ACIN1: variants seen among roughly 807,000 people sequenced by gnomAD.
ACIN1 encodes the protein apoptotic chromatin condensation inducer in the nucleus.
In ACIN1, 16 loss-of-function variants were observed where a neutral mutation model predicts 146.6. The ratio of observed to expected loss-of-function variants is 0.11; its 90% CI spans 0.07 to 0.17. The LOEUF is 0.17. Ranked by LOEUF, ACIN1 falls within the 10% of genes least tolerant of loss-of-function variation. ACIN1 has a pLI of 1.00. For missense variants in ACIN1, 1,357 were observed against 1,609.3 expected (o/e 0.84, Z 2.68); for synonymous variants, 569 against 582.7 (o/e 0.98, Z 0.34).
intron 8 of ACIN1, among the ~76,000 whole-genome samples, 200 bp from the exon 9 acceptor site, chr14:23,069,817 C>T (rs996631439): frequency 2.0e-5 from 3 of 152,104 alleles, no homozygotes; most frequent in African/African-American, 4.8e-5. Context: ...GGGGAAAGAG[C>T]GTGGATCACA....
intron 8 of ACIN1, among the ~76,000 whole-genome samples, chr14:23,075,319 TCCC>T (rs1201974953): frequency 7.3e-6 from 1 of 136,182 alleles, no homozygotes; most frequent in Non-Finnish European, 1.5e-5. Flanking sequence ...TTTTCTTTCT[TCCC>T]CTTTTTTTTT....
chr14:23,095,084 T>G lies in ACIN1; in HGVS notation c.29A>C (p.Asp10Ala). The change falls in exon 1 of 19, where the codon GAC becomes GCC. Residue 10 changes from aspartate to alanine, a missense_variant. Physicochemically the swap from Asp to Ala is moderately radical, Grantham distance 126 (BLOSUM62 -2). This residue lies in a region of ACIN1 where 22 missense variants were observed against 19.1 expected (regional missense o/e 1.15). Coordinates refer to ENST00000605057, the MANE Select transcript of ACIN1 (RefSeq NM_001386863.1). ...CCGCAGCGCCTGAAGAGGCTTCCCG[T>G]CCAGAGTCACCTCCTCCAGCTCCGC... MAELEEVTL[D>A]GKPLQALRVT... 1 of 1,614,196 alleles carries G rather than the reference T, an allele frequency of 6.2e-7. No individual in the cohort carries two copies. The highest frequency in any genetic ancestry group is 8.5e-7 in the Non-Finnish European group (1 of 1,180,026).
intron 9 of ACIN1, chr14:23,069,213 G>C: frequency 8.5e-7 from 1 of 1,176,806 alleles, no homozygotes; most frequent in Non-Finnish European, 1.0e-6. Flanking sequence ...GCCATTATCA[G>C]ACTTTCCCGT....
chr14:23,072,237 T>C (rs961664053), intron 8 of ACIN1, among the ~76,000 whole-genome samples: 1 of 151,948 alleles, frequency 6.6e-6, no homozygotes, highest in Non-Finnish European at 1.5e-5. Context: ...GGGGGCAGGG[T>C]TGGTGTCTCT....
intron 8 of ACIN1, among the ~76,000 whole-genome samples, chr14:23,072,197 G>A (rs1466049981): frequency 6.6e-6 from 1 of 152,178 alleles, no homozygotes; most frequent in Non-Finnish European, 1.5e-5. Context: ...GGATAGCAGG[G>A]AGAGTTCTTT....
intron 8 of ACIN1, chr14:23,071,459 C>T: frequency 1.9e-6 from 3 of 1,551,706 alleles, no homozygotes; most frequent in Non-Finnish European, 2.6e-6. Flanking sequence ...ATTGGTCTCT[C>T]TGGAGAAGGA....
chr14:23,080,192 C>T lies in ACIN1; in HGVS notation c.1143G>A (p.Glu381=). 6.2e-7 allele frequency: 1 copy of T among 1,614,112 alleles called. No individual in the cohort carries two copies. Among genetic ancestry groups the T allele is most frequent in the Non-Finnish European group, 8.5e-7 (1 of 1,180,020 alleles). Residue 381 remains glutamate (E), a synonymous_variant, in exon 6 of 19, where the codon GAG becomes GAA. Coordinates refer to ENST00000605057, the MANE Select transcript of ACIN1 (RefSeq NM_001386863.1). ...HPQLHSEEEI[E]PMEGPAPAVL... The stretch of plus-strand genomic sequence containing the variant: ...CAGCGGGGGCTGGGCCTTCCATGGG[C>T]TCTATTTCTTCTTCGCTATGGAGCT...
intron 4 of ACIN1, among the ~76,000 whole-genome samples, chr14:23,086,815 A>G (rs954065961): frequency 1.3e-5 from 2 of 152,220 alleles, no homozygotes; most frequent in African/African-American, 4.8e-5. Context: ...TGCCAATAGC[A>G]TATAAACAGG....
chr14:23,080,869 A>G, intron 5 of ACIN1, 60 bp from the exon 6 acceptor site: 2 of 1,527,108 alleles, frequency 1.3e-6, no homozygotes, highest in South Asian at 1.3e-5. Flanking sequence ...CAGAGGAGAG[A>G]AAGTATCTAA....
At chr14:23,075,492 T>C (rs1381305354) in intron 8 of ACIN1, among the ~76,000 whole-genome samples, 1 of 152,108 alleles carries the variant, frequency 6.6e-6, no homozygotes, top group African/African-American at 2.4e-5. Flanking sequence ...AAAAGACACC[T>C]TACCTCATAA....
chr14:23,080,835 C>G (rs139044603), intron 5 of ACIN1, 26 bp from the exon 6 acceptor site: 1 of 1,563,406 alleles, frequency 6.4e-7, no homozygotes, highest in East Asian at 2.2e-5. Flanking sequence ...CACAATGGCT[C>G]CAAATGTATT....
At position 23,063,079 on chromosome 14, in the gene ACIN1, C is replaced by CAAG; in HGVS notation, c.2738-8_2738-6dup. On this transcript the variant is annotated splice_polypyrimidine_tract_variant and splice_region_variant and intron_variant, in intron 13 of 18. Transcript: ENST00000605057. ...TTAAGGTATCTCCTAAAGTCACTATCAAGAAGACCACAAGAACAGCTTTTG... is the reference window on the plus strand; with the variant it reads ...TTAAGGTATCTCCTAAAGTCACTATCAAGAAGAAGACCACAAGAACAGCTTTTG... The CAAG allele has an allele frequency of 2.5e-6, 4 of 1,600,944 alleles. No homozygotes were observed. Among genetic ancestry groups the CAAG allele is most frequent in the Non-Finnish European group, 3.4e-6 (4 of 1,175,266 alleles).
intron 8 of ACIN1, among the ~76,000 whole-genome samples, chr14:23,076,174 G>T (rs1213904352): frequency 6.6e-6 from 1 of 152,162 alleles, no homozygotes; most frequent in Non-Finnish European, 1.5e-5. Context: ...CCTTCTCAAA[G>T]ATTTATTTAC....
At chr14:23,069,648 G>GGGGGCCCC in intron 8 of ACIN1, 31 bp from the exon 9 acceptor site, 1 of 589,372 alleles carries the variant, frequency 1.7e-6, no homozygotes, top group Non-Finnish European at 3.2e-6. Flanking sequence ...TGGTGGGGGG[G>GGGGGCCCC]CGGGCAGAAA....
chr14:23,062,155 C>G lies in ACIN1; in HGVS notation c.3099+13G>C. 6.2e-7 allele frequency: 1 copy of G among 1,610,914 alleles called. No homozygotes were observed. Among genetic ancestry groups the G allele is most frequent in the Non-Finnish European group, 8.5e-7 (1 of 1,177,306 alleles). On this transcript the variant is annotated intron_variant, in intron 16 of 18. Coordinates refer to ENST00000605057, the MANE Select transcript of ACIN1 (RefSeq NM_001386863.1). Reference sequence around the variant, plus strand: ...CCTGCCCCTCCTCTCTTTCCTCTCCCTAGGTTTCTTACCTCATCTTGCTCG... The same window carrying G: ...CCTGCCCCTCCTCTCTTTCCTCTCCGTAGGTTTCTTACCTCATCTTGCTCG...
chr14:23,090,157 G>A (rs1261085219), intron 3 of ACIN1, 56 bp from the exon 4 acceptor site: 5 of 1,585,842 alleles, frequency 3.2e-6, no homozygotes, highest in Non-Finnish European at 4.3e-6. Flanking sequence ...CAGCATGTAG[G>A]AATATGTAGA....
chr14:23,068,853 G>C lies in ACIN1; in HGVS notation c.2265+623C>G. 10 of 985,332 alleles carry C rather than the reference G, an allele frequency of 1.0e-5. No individual in the cohort carries two copies. Among genetic ancestry groups the C allele is most frequent in the Non-Finnish European group, 1.2e-5 (10 of 829,932 alleles). 61.0% of individuals were successfully genotyped at this position (985,332 alleles called of 1,614,324 possible). On this transcript the variant is annotated intron_variant, in intron 9 of 18. Transcript: ENST00000605057. The surrounding 1 kb of genome is among the most constrained non-coding windows in gnomAD (Gnocchi z 4.3). The stretch of plus-strand genomic sequence containing the variant: ...TCATTCTTTCTCAATTACTTTAAGA[G>C]CCAAGAAGACTTCGCTGGCTCTGAT...
chr14:23,066,018 GAAGAA>G lies in ACIN1; in HGVS notation c.2266-15_2266-11del. ...ATTTGGGCAGCGAGCTCTGTATGAA[GAAGAA>G]AAAGGGGAAAAAAAAGAGAAAGAGA... On this transcript the variant is annotated splice_polypyrimidine_tract_variant and intron_variant, in intron 9 of 18. Coordinates refer to ENST00000605057, the MANE Select transcript of ACIN1 (RefSeq NM_001386863.1). 6.2e-7 allele frequency: 1 copy of G among 1,612,638 alleles called. No individual in the cohort carries two copies. Among genetic ancestry groups the G allele is most frequent in the Non-Finnish European group, 8.5e-7 (1 of 1,179,158 alleles).
chr14:23,066,014 TGAA>T lies in ACIN1; in HGVS notation c.2266-9_2266-7del, dbSNP rs1213905192. 1.9e-6 allele frequency: 3 copies of T among 1,612,350 alleles called. No homozygotes were observed. Among genetic ancestry groups the T allele is most frequent in the African/African-American group, 1.3e-5 (1 of 74,444 alleles). ...AATGATTTGGGCAGCGAGCTCTGTA[TGAA>T]GAAGAAAAAGGGGAAAAAAAAGAGA... On this transcript the variant is annotated splice_polypyrimidine_tract_variant and splice_region_variant and intron_variant, in intron 9 of 18. Transcript: ENST00000605057.
Sources: gnomAD v4.1 joint callset for allele counts (sites outside exome capture counted in the v4.1 genomes callset) on GRCh38, gnomAD v4.1.1 for gene constraint, gnomAD v4.1.1 regional missense constraint, Gnocchi (gnomAD v3.1) non-coding constraint, MANE v1.5 for transcripts, NCBI Gene and HGNC (gene_info 2026-07-23, HGNC 2026-07-21) for gene names.